Variants in ANKDD1B observed in about 807,000 individuals in gnomAD.
ANKDD1B encodes the protein ankyrin repeat and death domain containing 1B, also known as ankyrin repeat and death domain-containing protein 1B.
In ANKDD1B, 57 loss-of-function variants were observed where a neutral mutation model predicts 59.7. The observed-to-expected ratio is 0.95, with a 90% confidence interval of 0.77 to 1.19. The LOEUF is 1.19. Among genes scored for constraint, ANKDD1B ranks in the 50% most tolerant of loss-of-function variants. ANKDD1B has a pLI of 0.00. For synonymous variants in ANKDD1B, 216 were observed against 239.5 expected, an observed-to-expected ratio of 0.90 and a Z score of 0.91; for missense variants, 602 against 641.9, an observed-to-expected ratio of 0.94 and a Z score of 0.67.
At chr5:75,633,482 C>A (rs1774220449) in intron 5 of ANKDD1B, among the ~76,000 whole-genome samples, 3 of 152,194 alleles carry the variant, frequency 2.0e-5, no homozygotes, top group East Asian at 3.9e-4. Flanking sequence ...CTCAGGTTAA[C>A]AGTGGCCGTG....
chr5:75,651,669 T>C (rs116345515), intron 7 of ANKDD1B, among the ~76,000 whole-genome samples: 4,241 of 152,216 alleles, frequency 0.028, 187 homozygotes, highest in African/African-American at 0.096. Flanking sequence ...TTTGCTGAGG[T>C]GTATGGAGAG....
rs779932366 is a variant in ANKDD1B, at chr5:75,659,317, G to A, written c.1031G>A (p.Arg344His). 83 of 1,535,938 alleles carry A rather than the reference G, an allele frequency of 5.4e-5. No homozygotes were observed. Among genetic ancestry groups the A allele is most frequent in the Non-Finnish European group, 7.0e-5 (80 of 1,146,888 alleles). Residue 344 changes from arginine to histidine, a missense_variant, in exon 10 of 14, where the codon CGT becomes CAT. This residue lies in a region of ANKDD1B where 280 missense variants were observed against 319.8 expected (regional missense o/e 0.88). Coordinates refer to ENST00000601380, the MANE Select transcript of ANKDD1B (RefSeq NM_001276713.2). The stretch of plus-strand genomic sequence containing the variant: ...ACCCCTCTGCATGTAGCTGCTGATC[G>A]TGGAAATGTGGAACTGGTGGAAACC... ...QQTPLHVAAD[R>H]GNVELVETLL...
chr5:75,666,888 TG>T lies in ANKDD1B; in HGVS notation c.1291del (p.Asp431ThrfsTer7), dbSNP rs1202132208. Reference protein sequence around the residue: ...LETRHIRTLLWDLAYHQLKAN... With the variant: ...LETRHIRTLLXDLAYHQLKAN... ...GACCAGACACATTCGCACGCTTCTC[TG>T]GGACCTGGCTTACCATCAGCTGAAG... On this transcript the variant is annotated frameshift_variant, in exon 12 of 14. Transcript: ENST00000601380. LOFTEE classifies it high-confidence loss of function. 1 of 1,534,948 alleles carries T rather than the reference TG, an allele frequency of 6.5e-7. No individual in the cohort carries two copies.
At chr5:75,629,154 A>G (rs1322742249) in intron 5 of ANKDD1B, among the ~76,000 whole-genome samples, 2 of 152,174 alleles carry the variant, frequency 1.3e-5, no homozygotes, top group Non-Finnish European at 2.9e-5. Flanking sequence ...GACCCAAGGC[A>G]ACATTTAACA....
At chr5:75,627,796 G>A (rs559664061) in intron 5 of ANKDD1B, among the ~76,000 whole-genome samples, 1 of 152,310 alleles carries the variant, frequency 6.6e-6, no homozygotes, top group Admixed American at 6.5e-5. Flanking sequence ...GATCAGGCAG[G>A]CTGATGGGGT....
At chr5:75,667,600 T>C (rs1257228305) in intron 12 of ANKDD1B, among the ~76,000 whole-genome samples, 1 of 152,234 alleles carries the variant, frequency 6.6e-6, no homozygotes, top group East Asian at 1.9e-4. Context: ...GGACTCAAAC[T>C]GTCATAATTA....
At chr5:75,653,750 C>A (rs1344111251) in intron 8 of ANKDD1B, among the ~76,000 whole-genome samples, 1 of 152,204 alleles carries the variant, frequency 6.6e-6, no homozygotes, top group Non-Finnish European at 1.5e-5. Flanking sequence ...TATTTTTCCA[C>A]TCTATTTTCA....
At chr5:75,649,184 C>CTTTT (rs35027297) in intron 7 of ANKDD1B, among the ~76,000 whole-genome samples, 2 of 125,942 alleles carry the variant, frequency 1.6e-5, no homozygotes, top group African/African-American at 5.8e-5. Flanking sequence ...TTCCTCTTTA[C>CTTTT]TTTTTTTTTT....
At chr5:75,659,064 C>A (rs1775048065) in intron 9 of ANKDD1B, among the ~76,000 whole-genome samples, 1 of 41,928 alleles carries the variant, frequency 2.4e-5, no homozygotes, top group South Asian at 5.7e-4. Flanking sequence ...GCCTGTTATT[C>A]CAATATATAG....
intron 12 of ANKDD1B, 87 bp from the exon 13 acceptor site, chr5:75,669,165 T>G: frequency 8.4e-7 from 1 of 1,197,220 alleles, no homozygotes; most frequent in Non-Finnish European, 1.0e-6. Context: ...AAACAGTCAT[T>G]CAGAAAGTTT....
rs763279564 is a variant in ANKDD1B, at chr5:75,656,182, G to A, written c.996+55G>A. 9.9e-4 allele frequency: 817 copies of A among 827,322 alleles called. 3 individuals are homozygous for A. Among genetic ancestry groups the A allele is most frequent in the South Asian group, 1.6e-3 (96 of 59,926 alleles). 51.2% of individuals were successfully genotyped at this position (827,322 alleles called of 1,614,324 possible). ...TCTCTTTTCTTAGTTTCAACACAGT[G>A]TGTGTTTATGGGGAGTTTTGATTAA... On this transcript the variant is annotated intron_variant, in intron 9 of 13. Transcript: ENST00000601380.
intron 7 of ANKDD1B, among the ~76,000 whole-genome samples, chr5:75,651,845 A>G (rs961251263): frequency 1.3e-5 from 2 of 152,222 alleles, no homozygotes; most frequent in Non-Finnish European, 2.9e-5. Context: ...TGGAGGTTGG[A>G]AGTCTGAGAT....
At chr5:75,652,519 G>A (rs1186961168) in intron 7 of ANKDD1B, among the ~76,000 whole-genome samples, 1 of 152,138 alleles carries the variant, frequency 6.6e-6, no homozygotes, top group Non-Finnish European at 1.5e-5. Context: ...TCGGCTCACT[G>A]CAATCTTTGC....
intron 5 of ANKDD1B, among the ~76,000 whole-genome samples, chr5:75,630,068 C>T (rs1774107482): frequency 6.6e-6 from 1 of 152,152 alleles, no homozygotes; most frequent in Admixed American, 6.5e-5. Flanking sequence ...AGGCCTGGAG[C>T]CCAGGGCTCT....
chr5:75,661,414 A>AAAAAAAAAAAAAG (rs1471501853), intron 10 of ANKDD1B, among the ~76,000 whole-genome samples: 1,853 of 131,176 alleles, frequency 0.014, 49 homozygotes, highest in African/African-American at 0.034. Context: ...AAAAAAAAAA[A>AAAAAAAAAAAAAG]AAAAAAAAAA....
intron 8 of ANKDD1B, among the ~76,000 whole-genome samples, chr5:75,654,017 T>C (rs1434298069): frequency 1.3e-5 from 2 of 152,188 alleles, no homozygotes; most frequent in African/African-American, 2.4e-5. Flanking sequence ...TGCTTTCTCG[T>C]TTTTCATGCT....
At chr5:75,661,091 T>A (rs573760631) in intron 10 of ANKDD1B, among the ~76,000 whole-genome samples, 1 of 149,584 alleles carries the variant, frequency 6.7e-6, no homozygotes. Context: ...TTTTTTTTTC[T>A]GATCATAAAA....
At chr5:75,622,842 C>CG in intron 3 of ANKDD1B, among the ~76,000 whole-genome samples, 1 of 152,178 alleles carries the variant, frequency 6.6e-6, no homozygotes, top group South Asian at 2.1e-4. Context: ...AGGTTCTTCT[C>CG]GGGGAGTTTA....
At chr5:75,649,011 T>C (rs1774743232) in intron 7 of ANKDD1B, among the ~76,000 whole-genome samples, 1 of 152,116 alleles carries the variant, frequency 6.6e-6, no homozygotes, top group African/African-American at 2.4e-5. Flanking sequence ...CCTGGCTTCC[T>C]CCATTTGTGT....
Sources: allele counts gnomAD v4.1 joint callset (sites outside exome capture counted in the v4.1 genomes callset), GRCh38; gene constraint gnomAD v4.1.1; regional missense constraint gnomAD v4.1.1; transcripts MANE v1.5; gene names NCBI Gene and HGNC (gene_info 2026-07-23, HGNC 2026-07-21).